RELN: variants seen among roughly 807,000 people sequenced by gnomAD.
RELN encodes reelin.
In RELN, 108 loss-of-function variants were observed where a neutral mutation model predicts 427.6. The observed-to-expected ratio is 0.25, with a 90% CI of 0.22 to 0.30. RELN has a LOEUF of 0.30. Among genes scored for constraint, RELN ranks in the 10% least tolerant of loss-of-function variants. RELN has a pLI of 1.00. For synonymous variants in RELN, 1,524 were observed against 1,513.4 expected (o/e 1.01, Z -0.16); for missense variants, 3,715 against 4,302.8 (o/e 0.86, Z 3.82).
chr7:103,769,755 C>T (rs1362746123), intron 4 of RELN, among the ~76,000 whole-genome samples: 1 of 152,234 alleles, frequency 6.6e-6, no homozygotes, highest in African/African-American at 2.4e-5. Context: ...ACATCAACTT[C>T]AGACAAGGCT....
chr7:103,477,405 A>T (rs893630413), intron 64 of RELN, among the ~76,000 whole-genome samples: 2 of 152,242 alleles, frequency 1.3e-5, no homozygotes, highest in African/African-American at 4.8e-5. Context: ...TCAGTAATTT[A>T]TCACCAAAAC....
intron 2 of RELN, among the ~76,000 whole-genome samples, chr7:103,901,249 A>G (rs898171397): frequency 1.3e-4 from 20 of 152,196 alleles, no homozygotes; most frequent in African/African-American, 4.8e-4. Flanking sequence ...GTAAAACACA[A>G]AAAAGCAAAT....
In RELN at chr7:103,631,286, CT is replaced by C. The variant is rs545808640; in HGVS notation, c.2466-1111del. ...CAGAAATAAAACTTTAAAAACACTT[CT>C]TTTTTTTTTTTTTTTTTTTTTTTTG... On this transcript the variant is annotated intron_variant, in intron 19 of 64. Transcript: ENST00000428762. 7.2e-3 allele frequency among the ~76,000 whole-genome samples: 561 copies of C among 77,766 alleles called. 2 individuals carry two copies. Among genetic ancestry groups the C allele is most frequent in the African/African-American group, 0.025 (502 of 19,988 alleles). The allele number at this position is 77,766 out of a possible 152,430, so 51.0% of individuals were successfully genotyped here.
At chr7:103,557,235 T>C in intron 37 of RELN, 76 bp from the exon 38 acceptor site, 1 of 1,205,372 alleles carries the variant, frequency 8.3e-7, no homozygotes, top group East Asian at 2.4e-5. Flanking sequence ...GCTGAATCTT[T>C]AGGCATCAAT....
chr7:103,542,790 A>G lies in RELN; in HGVS notation c.6612T>C (p.Phe2204=), dbSNP rs982217855. The change falls in exon 43 of 65, where the codon TTT becomes TTC. Residue 2204 remains phenylalanine, a synonymous_variant. Transcript: ENST00000428762. ...CGILSSGNNL[F]FNEDGLRMLM... ...ACATGCGCAAGCCATCTTCATTGAA[A>G]AAGAGGTTGTTTCCACTAGAAAGGA... The G allele has an allele frequency of 3.7e-6, 6 of 1,614,178 alleles. No homozygotes were observed. The highest frequency in any genetic ancestry group is 5.1e-6 in the Non-Finnish European group (6 of 1,180,022).
In RELN at chr7:103,542,852, A is replaced by G; in HGVS notation, c.6550T>C (p.Leu2184=). ...CGAGATGGTTTCCCACCACTCATTA[A>G]TAAGAATCTATCAGATTCTAGCTGA... is the stretch of plus-strand genomic sequence containing the variant. The part of the protein sequence containing the change: ...EGQLESDRFL[L]MSGGKPSRKC... The change falls in exon 43 of 65, where the codon TTA becomes CTA. Residue 2184 remains leucine (L), a synonymous_variant. Transcript: ENST00000428762. The G allele has an allele frequency of 6.2e-7, 1 of 1,614,186 alleles. No individual in the cohort carries two copies. Among genetic ancestry groups the G allele is most frequent in the South Asian group, 1.1e-5 (1 of 91,088 alleles).
chr7:103,703,266 T>C (rs1242522736), intron 8 of RELN, among the ~76,000 whole-genome samples: 2 of 152,170 alleles, frequency 1.3e-5, no homozygotes, highest in Admixed American at 6.5e-5. Flanking sequence ...TGATAAATGA[T>C]TCCCTACTCC....
At chr7:103,712,881 GT>G (rs557107053) in intron 8 of RELN, among the ~76,000 whole-genome samples, 11 of 148,872 alleles carry the variant, frequency 7.4e-5, no homozygotes, top group Middle Eastern at 3.4e-3. Flanking sequence ...GTTTTGGGTA[GT>G]TTTTTTTTTA....
chr7:103,861,583 C>G (rs939071164), intron 2 of RELN, among the ~76,000 whole-genome samples: 12 of 152,208 alleles, frequency 7.9e-5, no homozygotes, highest in African/African-American at 2.9e-4. Context: ...AAGGAAAAAC[C>G]TGTTTACATT....
intron 2 of RELN, among the ~76,000 whole-genome samples, chr7:103,843,186 T>C (rs558969353): frequency 6.6e-6 from 1 of 152,044 alleles, no homozygotes; most frequent in Admixed American, 6.6e-5. Context: ...ATTTTAAAGA[T>C]AAAGGAACCA....
chr7:103,669,415 G>A (rs1477038903), intron 11 of RELN, among the ~76,000 whole-genome samples: 1 of 152,116 alleles, frequency 6.6e-6, no homozygotes, highest in Non-Finnish European at 1.5e-5. Flanking sequence ...TGTAAACACT[G>A]GCTCAAACAT....
chr7:103,967,911 G>A (rs2116808964), intron 1 of RELN, among the ~76,000 whole-genome samples: 1 of 152,156 alleles, frequency 6.6e-6, no homozygotes, highest in East Asian at 1.9e-4. Flanking sequence ...AACTCATGTG[G>A]CCCAGGCCAC....
intron 1 of RELN, among the ~76,000 whole-genome samples, chr7:103,965,994 T>C (rs570495789): frequency 2.0e-5 from 3 of 152,316 alleles, no homozygotes; most frequent in African/African-American, 7.2e-5. Context: ...CCTCACATTA[T>C]TGACAGATTC....
chr7:103,669,127 A>AT (rs1296676302), intron 11 of RELN, among the ~76,000 whole-genome samples: 3 of 152,206 alleles, frequency 2.0e-5, no homozygotes, highest in East Asian at 3.9e-4. Flanking sequence ...TGACATATCC[A>AT]TTTTTTTCTC....
intron 3 of RELN, among the ~76,000 whole-genome samples, chr7:103,817,663 A>C (rs551350267): frequency 5.7e-4 from 86 of 152,046 alleles, no homozygotes; most frequent in Non-Finnish European, 1.1e-3. Context: ...TAGACTATAG[A>C]AGAAAAGGTG....
intron 2 of RELN, among the ~76,000 whole-genome samples, chr7:103,883,789 A>C (rs1181320158): frequency 2.0e-5 from 3 of 152,254 alleles, no homozygotes; most frequent in African/African-American, 7.2e-5. Context: ...GAGAGGACAC[A>C]AACAAATGGA....
In RELN at chr7:103,573,087, C is replaced by T. The variant is rs1046103993; in HGVS notation, c.4512-827G>A. ...CTGAGTAGCTGGAACTACAGGCATGCGCCACCACACCCGGCTAATTTTTCT... is the reference window on the plus strand; with the variant it reads ...CTGAGTAGCTGGAACTACAGGCATGTGCCACCACACCCGGCTAATTTTTCT... On this transcript the variant is annotated intron_variant, in intron 30 of 64. Coordinates refer to ENST00000428762, the MANE Select transcript of RELN (RefSeq NM_005045.4). This position sits in a 1 kb window ranked among gnomAD's most constrained non-coding sequence, Gnocchi z 4.4. Among the ~76,000 whole-genome samples, 3 of 152,104 alleles carry T rather than the reference C, an allele frequency of 2.0e-5. No individual in the cohort carries two copies. Among genetic ancestry groups the T allele is most frequent in the African/African-American group, 7.2e-5 (3 of 41,426 alleles).
At chr7:103,617,790 T>C (rs1301714939) in intron 20 of RELN, among the ~76,000 whole-genome samples, 1 of 152,024 alleles carries the variant, frequency 6.6e-6, no homozygotes, top group Non-Finnish European at 1.5e-5. Flanking sequence ...TAATGGGAGA[T>C]GTTTGGGCCA....
intron 8 of RELN, among the ~76,000 whole-genome samples, chr7:103,710,607 T>C (rs1186370439): frequency 1.3e-5 from 2 of 152,222 alleles, no homozygotes; most frequent in Admixed American, 1.3e-4. Flanking sequence ...ATAGTGATTC[T>C]AAAAATCTAA....
Sources: gnomAD v4.1 joint callset for allele counts (sites outside exome capture counted in the v4.1 genomes callset) on GRCh38, gnomAD v4.1.1 for gene constraint, Gnocchi (gnomAD v3.1) non-coding constraint, MANE v1.5 for transcripts, NCBI Gene and HGNC (gene_info 2026-07-23, HGNC 2026-07-21) for gene names.